FCN3: variants seen among roughly 807,000 people sequenced by gnomAD.
FCN3 encodes ficolin 3, also known as ficolin-3.
In FCN3, 28 loss-of-function variants were observed where a neutral mutation model predicts 31.5. The ratio of observed to expected loss-of-function variants is 0.89; its 90% CI spans 0.66 to 1.22. The LOEUF (loss-of-function observed/expected upper bound fraction) is 1.22. Among genes scored for constraint, FCN3 ranks in the 50% most tolerant of loss-of-function variants. The probability of loss-of-function intolerance (pLI) is 0.00; values close to 1 mark genes in which losing one functional copy is unlikely to be tolerated. For missense variants in FCN3, 351 were observed against 386.8 expected (o/e 0.91, Z 0.78); for synonymous variants, 124 against 147.4 (o/e 0.84, Z 1.15).
chr1:27,370,419 G>A, intron 7 of FCN3, 177 bp downstream of exon 7: 1 of 620,452 alleles, frequency 1.6e-6, no homozygotes, highest in South Asian at 2.0e-5. Context: ...AGGTCTGTTT[G>A]CCTCCAGATC....
chr1:27,369,477 C>G lies in FCN3; in HGVS notation c.659G>C (p.Gly220Ala), dbSNP rs774568591. 6.8e-6 allele frequency: 11 copies of G among 1,612,864 alleles called. No individual in the cohort carries two copies. The East Asian group carries it at 2.5e-4, about 36-fold the overall frequency. Residue 220 changes from glycine to alanine, a missense_variant and splice_region_variant, in exon 8 of 8, where the codon GGG (glycine) becomes GCG (alanine). Transcript: ENST00000270879. The part of the protein sequence containing the change: ...ALGKFSEGTA[G>A]DSLSLHSGRP... ...CCCACTGTGGAGGCTCAGGGAATCC[C>G]CTAGCAGGGAAGGGATGGAAAGCAC...
Position 27,369,158 on chromosome 1 carries a change from A to T in FCN3, c.*78T>A. The T allele has an allele frequency of 6.5e-7, 1 of 1,543,924 alleles. No homozygotes were observed. The highest frequency in any genetic ancestry group is 1.1e-5 in the South Asian group (1 of 88,256). On this transcript the variant is annotated 3_prime_UTR_variant, in exon 8 of 8. Transcript: ENST00000270879. ...TTTTTAAATGTGGACAGGCAAGCAG[A>T]GGTGGTTGGCAAAGGCAAGGTGGCT...
At chr1:27,373,043 T>G (rs1328266066) in intron 5 of FCN3, 93 bp downstream of exon 5, 3 of 1,435,144 alleles carry the variant, frequency 2.1e-6, no homozygotes, top group African/African-American at 1.4e-5. Context: ...CTCTAGGAAA[T>G]GCCTTGCTCT....
intron 4 of FCN3, 58 bp from the exon 5 acceptor site, chr1:27,373,321 C>A: frequency 6.2e-7 from 1 of 1,609,682 alleles, no homozygotes. Flanking sequence ...CCCCCACCCC[C>A]AGGCACTGGA....
chr1:27,369,122 A>C lies in FCN3; in HGVS notation c.*114T>G. 7.6e-7 allele frequency: 1 copy of C among 1,322,436 alleles called. No individual in the cohort carries two copies. The highest frequency in any genetic ancestry group is 1.0e-6 in the Non-Finnish European group (1 of 955,246). 81.9% of individuals were successfully genotyped at this position (1,322,436 alleles called of 1,614,324 possible). On this transcript the variant is annotated 3_prime_UTR_variant, in exon 8 of 8. Coordinates refer to ENST00000270879, the MANE Select transcript of FCN3 (RefSeq NM_003665.4). Reference sequence around the variant, plus strand: ...AACTGGAAGAGTCTTGAAAGGGCTAAAATGATTTTATTTTTAAATGTGGAC... The same window carrying C: ...AACTGGAAGAGTCTTGAAAGGGCTACAATGATTTTATTTTTAAATGTGGAC...
chr1:27,372,529 T>TGGCATG (rs1457736558), intron 5 of FCN3, among the ~76,000 whole-genome samples: 3 of 152,222 alleles, frequency 2.0e-5, no homozygotes, highest in Non-Finnish European at 4.4e-5. Context: ...ATTATAGGCG[T>TGGCATG]GAGCCACCAC....
intron 1 of FCN3, 136 bp from the exon 2 acceptor site, chr1:27,374,587 C>T (rs1232546803): frequency 1.3e-6 from 1 of 746,994 alleles, no homozygotes; most frequent in African/African-American, 1.8e-5. Context: ...GTGTGCTTTG[C>T]ATCCATTTGC....
chr1:27,372,135 G>A (rs1410860688), intron 5 of FCN3, among the ~76,000 whole-genome samples: 2 of 152,022 alleles, frequency 1.3e-5, no homozygotes. Flanking sequence ...GTCCCCCAAT[G>A]CAGTGCATCT....
Position 27,373,217 on chromosome 1 carries a change from G to C in FCN3, c.312C>G (p.Ser104Arg). Residue 104 changes from serine to arginine, a missense_variant, in exon 5 of 8, where the codon AGC becomes AGG. Coordinates refer to ENST00000270879, the MANE Select transcript of FCN3 (RefSeq NM_003665.4). ...CAGGTAGGCACAGATGGTACCAGCC[G>C]CTCAAGGTGGCGCCCTGGCTCAACA... is the stretch of plus-strand genomic sequence containing the variant. ...RELLSQGATL[S>R]GWYHLCLPEG... The C allele has an allele frequency of 6.2e-7, 1 of 1,614,058 alleles. No individual in the cohort carries two copies. The highest frequency in any genetic ancestry group is 1.1e-5 in the South Asian group (1 of 91,088).
At chr1:27,370,783 G>T (rs1287471104) in intron 6 of FCN3, 53 bp from the exon 7 acceptor site, 4 of 1,611,224 alleles carry the variant, frequency 2.5e-6, no homozygotes, top group Non-Finnish European at 3.4e-6. Flanking sequence ...TGGGGGTGGG[G>T]CAGGGATTCA....
rs766076753 is a variant in FCN3, at chr1:27,373,147, C to A, written c.382G>T (p.Gly128Cys). ...PVFCDMDTEG[G>C]GWLVFQRRQD... Reference sequence around the variant, plus strand: ...TCTCAGACACTCACCAGCCAGCCGCCCCCCTCGGTGTCCATGTCACAAAAG... The same window carrying A: ...TCTCAGACACTCACCAGCCAGCCGCACCCCTCGGTGTCCATGTCACAAAAG... The change falls in exon 5 of 8, where the codon GGC becomes TGC. Residue 128 changes from glycine (G) to cysteine (C), a missense_variant. Transcript: ENST00000270879. 2 of 1,613,964 alleles carry A rather than the reference C, an allele frequency of 1.2e-6. No individual in the cohort carries two copies. The highest frequency in any genetic ancestry group is 1.1e-5 in the South Asian group (1 of 91,084).
At chr1:27,373,693 A>G (rs573781857) in intron 3 of FCN3, 173 bp from the exon 4 acceptor site, 9 of 701,262 alleles carry the variant, frequency 1.3e-5, no homozygotes, top group African/African-American at 7.5e-5. Context: ...AATCCTCTCC[A>G]CTCCTCCCAG....
chr1:27,373,314 C>T, intron 4 of FCN3, 51 bp from the exon 5 acceptor site: 3 of 1,610,780 alleles, frequency 1.9e-6, no homozygotes, highest in Non-Finnish European at 2.5e-6. Flanking sequence ...TCCCTGACCC[C>T]CACCCCCAGG....
Position 27,373,229 on chromosome 1 carries a change from G to A in FCN3, c.300C>T (p.Gly100=), listed in dbSNP as rs572014686. 3.0e-5 allele frequency: 48 copies of A among 1,614,074 alleles called. No individual in the cohort carries two copies. Among genetic ancestry groups the A allele is most frequent in the Middle Eastern group, 1.7e-4 (1 of 6,060 alleles). The change falls in exon 5 of 8, where the codon GGC becomes GGT. Residue 100 remains glycine (G), a synonymous_variant. Coordinates refer to ENST00000270879, the MANE Select transcript of FCN3 (RefSeq NM_003665.4). ...GATGGTACCAGCCGCTCAAGGTGGC[G>A]CCCTGGCTCAACAGCTCCCGGCAGT... is the stretch of plus-strand genomic sequence containing the variant. ...PRNCRELLSQ[G]ATLSGWYHLC...
intron 2 of FCN3, 68 bp downstream of exon 2, chr1:27,374,288 G>A: frequency 8.3e-7 from 1 of 1,207,256 alleles, no homozygotes; most frequent in Non-Finnish European, 1.2e-6. Context: ...CCTCAGCACA[G>A]ACAAAAATTG....
At position 27,370,933 on chromosome 1, in the gene FCN3, G is replaced by T. The variant is rs373443059; in HGVS notation, c.433C>A (p.Arg145Ser). 2 of 1,613,542 alleles carry T rather than the reference G, an allele frequency of 1.2e-6. No individual in the cohort carries two copies. Among genetic ancestry groups the T allele is most frequent in the African/African-American group, 2.7e-5 (2 of 74,876 alleles). ...CCTGCTCTGTAGGAGGACCAAGAGC[G>T]GAAGAAATCCACAGAACCATCCTGG... ...RRQDGSVDFFRSWSSYRAGFG... is the reference protein window; with the variant it reads ...RRQDGSVDFFSSWSSYRAGFG... Residue 145 changes from arginine (R) to serine (S), a missense_variant, in exon 6 of 8, where the codon CGC becomes AGC. Coordinates refer to ENST00000270879, the MANE Select transcript of FCN3 (RefSeq NM_003665.4).
Position 27,374,455 on chromosome 1 carries a change from C to A in FCN3, c.92-4G>T, listed in dbSNP as rs370673118. 1 of 1,599,176 alleles carries A rather than the reference C, an allele frequency of 6.3e-7. No homozygotes were observed. Among genetic ancestry groups the A allele is most frequent in the African/African-American group, 1.3e-5 (1 of 74,730 alleles). Reference sequence around the variant, plus strand: ...CTGGCTTCCAGTTCCCTGGGTCCTACAGGGAGACACAGGCAGGGTGGGCAC... The same window carrying A: ...CTGGCTTCCAGTTCCCTGGGTCCTAAAGGGAGACACAGGCAGGGTGGGCAC... On this transcript the variant is annotated splice_region_variant and splice_polypyrimidine_tract_variant and intron_variant, in intron 1 of 7. Coordinates refer to ENST00000270879, the MANE Select transcript of FCN3 (RefSeq NM_003665.4).
rs767569533 is a variant in FCN3 at position 27,369,495 on chromosome 1, G to A, written c.659-18C>T. 2 of 1,611,408 alleles carry A rather than the reference G, an allele frequency of 1.2e-6. No individual in the cohort carries two copies. Among genetic ancestry groups the A allele is most frequent in the Admixed American group, 1.7e-5 (1 of 59,986 alleles). On this transcript the variant is annotated intron_variant, in intron 7 of 7. Transcript: ENST00000270879. Reference sequence around the variant, plus strand: ...GGAATCCCCTAGCAGGGAAGGGATGGAAAGCACCTTGGTGCCCAGCACCAC... The same window carrying A: ...GGAATCCCCTAGCAGGGAAGGGATGAAAAGCACCTTGGTGCCCAGCACCAC...
At chr1:27,371,701 A>C (rs1022246480) in intron 5 of FCN3, among the ~76,000 whole-genome samples, 1 of 152,232 alleles carries the variant, frequency 6.6e-6, no homozygotes, top group Non-Finnish European at 1.5e-5. Flanking sequence ...AGTAGGCCCC[A>C]GGTCCTATAG....
Sources: allele counts gnomAD v4.1 joint callset (sites outside exome capture counted in the v4.1 genomes callset), GRCh38; gene constraint gnomAD v4.1.1; transcripts MANE v1.5; gene names NCBI Gene and HGNC (gene_info 2026-07-23, HGNC 2026-07-21).